The following IQSEC1 variants were observed in gnomAD, a reference collection of about 807,000 sequenced individuals.
The protein encoded by IQSEC1 is IQ motif and SEC7 domain-containing protein 1.
A neutral mutation model predicts 91.0 loss-of-function variants in IQSEC1; 31 were observed. That is an observed-to-expected ratio of 0.34 (90% CI 0.26 to 0.46). The LOEUF (loss-of-function observed/expected upper bound fraction) is 0.46, where lower values mean the gene tolerates loss of function less well. Among genes scored for constraint, IQSEC1 ranks in the 20% least tolerant of loss-of-function variants. The pLI, the probability that IQSEC1 is intolerant of heterozygous loss-of-function variation, is 1.00. For synonymous variants in IQSEC1, 699 were observed against 662.6 expected, an observed-to-expected ratio of 1.05 and a Z score of -0.84; for missense variants, 1,388 against 1,575.6, an observed-to-expected ratio of 0.88 and a Z score of 2.02.
intron 1 of IQSEC1, among the ~76,000 whole-genome samples, chr3:13,180,339 C>G (rs1453318265): frequency 1.3e-5 from 2 of 152,130 alleles, no homozygotes; most frequent in African/African-American, 4.8e-5. Context: ...CTGTATCTAG[C>G]TACTCTGGTG....
chr3:13,081,212 T>G (rs766154592), intron 2 of IQSEC1, among the ~76,000 whole-genome samples: 1 of 152,234 alleles, frequency 6.6e-6, no homozygotes, highest in African/African-American at 2.4e-5. Context: ...CCAATAAAAG[T>G]TGGCATCTCT....
chr3:12,954,386 C>A (rs2125439667), intron 1 of IQSEC1, among the ~76,000 whole-genome samples: 1 of 152,266 alleles, frequency 6.6e-6, no homozygotes, highest in South Asian at 2.1e-4. Context: ...AGCCCGAGGG[C>A]CTTGGTGGCT....
chr3:13,222,568 C>T (rs1270644155), intron 1 of IQSEC1, among the ~76,000 whole-genome samples: 16 of 152,202 alleles, frequency 1.1e-4, no homozygotes, highest in Admixed American at 9.8e-4. Context: ...ACGGCGGCTG[C>T]ACCACGTTAC....
rs1344542040 is a variant in IQSEC1 at position 13,282,454 on chromosome 3, G to A, written c.272+257C>T. Among the ~76,000 whole-genome samples the A allele has an allele frequency of 6.6e-6, 1 of 152,120 alleles. No individual in the cohort carries two copies. Among genetic ancestry groups the A allele is most frequent in the African/African-American group, 2.4e-5 (1 of 41,454 alleles). On this transcript the variant is annotated intron_variant, in intron 1 of 15. Coordinates refer to the IQSEC1 transcript ENST00000648114. This position sits in a 1 kb window ranked among gnomAD's most constrained non-coding sequence, Gnocchi z 6.4. ...CGCCGCAGCGCAGAGCCAGGCCGGC[G>A]GGAGCGCTGAGCAGCTCCCTGGAGC...
chr3:13,267,621 C>A (rs1038573969), intron 1 of IQSEC1, among the ~76,000 whole-genome samples: 1 of 134,630 alleles, frequency 7.4e-6, no homozygotes, highest in Non-Finnish European at 1.6e-5. Flanking sequence ...TTTTCTTTTT[C>A]TTTTTTTTTT....
chr3:13,194,386 G>C (rs1465312437), intron 1 of IQSEC1, among the ~76,000 whole-genome samples: 1 of 152,110 alleles, frequency 6.6e-6, no homozygotes, highest in African/African-American at 2.4e-5. Flanking sequence ...CCTATGCTCT[G>C]ACTCTCACTG....
intron 1 of IQSEC1, among the ~76,000 whole-genome samples, chr3:13,197,407 G>A (rs1283343188): frequency 1.3e-5 from 2 of 152,170 alleles, no homozygotes; most frequent in Admixed American, 1.3e-4. Flanking sequence ...TCCCAGCCTG[G>A]CAGACAGGAC....
intron 9 of IQSEC1, among the ~76,000 whole-genome samples, chr3:12,913,206 G>C (rs1487018030): frequency 6.6e-6 from 1 of 152,248 alleles, no homozygotes; most frequent in African/African-American, 2.4e-5. Flanking sequence ...CGTTGGCAGA[G>C]GCTCTGGAAA....
At chr3:13,236,025 G>A (rs1694922583) in intron 1 of IQSEC1, among the ~76,000 whole-genome samples, 1 of 152,182 alleles carries the variant, frequency 6.6e-6, no homozygotes, top group Non-Finnish European at 1.5e-5. Flanking sequence ...AAAATGAAGT[G>A]AATGGATCTT....
At chr3:13,143,893 A>G (rs1269616922) in intron 2 of IQSEC1, among the ~76,000 whole-genome samples, 1 of 152,178 alleles carries the variant, frequency 6.6e-6, no homozygotes, top group Non-Finnish European at 1.5e-5. Flanking sequence ...TGCATAAATC[A>G]TTCCTCCTGC....
chr3:12,901,627 CT>C, intron 13 of IQSEC1, 105 bp from the exon 14 acceptor site: 1 of 977,598 alleles, frequency 1.0e-6, no homozygotes, highest in Non-Finnish European at 1.5e-6. Context: ...GACTGCTAAG[CT>C]TTAGTTCAAC....
chr3:13,179,666 C>T (rs1032217372), intron 1 of IQSEC1, among the ~76,000 whole-genome samples: 3 of 152,284 alleles, frequency 2.0e-5, no homozygotes, highest in East Asian at 1.9e-4. Flanking sequence ...ACTTGAGGAG[C>T]CCTTCAGCCT....
chr3:13,256,674 C>T lies in IQSEC1; in HGVS notation c.272+26037G>A, dbSNP rs544832572. ...CGCTGGGGATGCAGAAGGGACCAGG[C>T]AGACAGAAACCCTTCCCTCCGGGAC... is the stretch of plus-strand genomic sequence containing the variant. On this transcript the variant is annotated intron_variant, in intron 1 of 15. Transcript: ENST00000648114. Among the ~76,000 whole-genome samples, 45 of 152,354 alleles carry T rather than the reference C, an allele frequency of 3.0e-4. No homozygotes were observed. The South Asian group carries it at 8.7e-3, about 29-fold the overall frequency.
At chr3:13,283,211 G>A (rs1418178762) in exon 1 of IQSEC1, among the ~76,000 whole-genome samples, 1 of 147,982 alleles carries the variant, frequency 6.8e-6, no homozygotes, top group African/African-American at 2.4e-5. Flanking sequence ...GGGGCGGCAG[G>A]GCGCGGAGCT....
chr3:12,997,286 T>C, intron 1 of IQSEC1, among the ~76,000 whole-genome samples: 1 of 152,220 alleles, frequency 6.6e-6, no homozygotes, highest in East Asian at 1.9e-4. Flanking sequence ...GACACAAATA[T>C]GCCGAAACAA....
intron 1 of IQSEC1, among the ~76,000 whole-genome samples, chr3:13,060,589 G>A (rs1305697189): frequency 6.6e-6 from 1 of 152,218 alleles, no homozygotes; most frequent in Non-Finnish European, 1.5e-5. Context: ...CCTGCAAGGG[G>A]GCCACCTGCC....
Position 13,282,228 on chromosome 3 carries a change from T to C in IQSEC1, c.272+483A>G, listed in dbSNP as rs1329734306. ...GTCCCGGACTGGACACAGCGCAGAGTCCATTCCAGGGACACCGCAACCCGC... is the reference window on the plus strand; with the variant it reads ...GTCCCGGACTGGACACAGCGCAGAGCCCATTCCAGGGACACCGCAACCCGC... On this transcript the variant is annotated intron_variant, in intron 1 of 15. Coordinates refer to the IQSEC1 transcript ENST00000648114. This position sits in a 1 kb window ranked among gnomAD's most constrained non-coding sequence, Gnocchi z 6.4. Among the ~76,000 whole-genome samples the C allele has an allele frequency of 6.6e-6, 1 of 151,524 alleles. No individual in the cohort carries two copies. Among genetic ancestry groups the C allele is most frequent in the African/African-American group, 2.4e-5 (1 of 41,192 alleles).
intron 1 of IQSEC1, among the ~76,000 whole-genome samples, chr3:13,257,221 C>T (rs978249743): frequency 6.6e-6 from 1 of 152,144 alleles, no homozygotes; most frequent in Non-Finnish European, 1.5e-5. Context: ...TCAGGACGAA[C>T]GTTTCCAAGT....
chr3:13,133,829 C>CT (rs1401571845), intron 2 of IQSEC1, among the ~76,000 whole-genome samples: 2 of 152,198 alleles, frequency 1.3e-5, no homozygotes, highest in African/African-American at 4.8e-5. Context: ...ATGGAGCACG[C>CT]TTAGCCTGCT....
Sources: allele counts gnomAD v4.1 joint callset (sites outside exome capture counted in the v4.1 genomes callset), GRCh38; gene constraint gnomAD v4.1.1; non-coding constraint Gnocchi (gnomAD v3.1); transcripts MANE v1.5; gene names NCBI Gene and HGNC (gene_info 2026-07-23, HGNC 2026-07-21).